ENOX1: variants seen among roughly 807,000 people sequenced by gnomAD.
ENOX1 encodes the protein ecto-NOX disulfide-thiol exchanger 1.
Under a neutral mutation model 82.5 loss-of-function variants are expected in ENOX1, and 42 were observed. The observed-to-expected ratio is 0.51, with a 90% confidence interval of 0.40 to 0.66. The LOEUF (loss-of-function observed/expected upper bound fraction) is 0.66, where lower values mean the gene tolerates loss of function less well. Among genes scored for constraint, ENOX1 ranks in the 30% least tolerant of loss-of-function variants. ENOX1 has a pLI of 0.00. For missense variants in ENOX1, 608 were observed against 811.6 expected (o/e 0.75, Z 3.05); for synonymous variants, 271 against 282.2 (o/e 0.96, Z 0.40).
chr13:43,576,426 A>G (rs2153714386), intron 2 of ENOX1, among the ~76,000 whole-genome samples: 1 of 152,332 alleles, frequency 6.6e-6, no homozygotes. Flanking sequence ...ACTTAGAATT[A>G]CTTTTTCAAT....
chr13:43,362,328 T>C (rs1415609858), intron 5 of ENOX1, among the ~76,000 whole-genome samples: 1 of 151,424 alleles, frequency 6.6e-6, no homozygotes, highest in Non-Finnish European at 1.5e-5. Flanking sequence ...GCTATGAAAA[T>C]ACTATACTGA....
chr13:43,394,339 G>C (rs1412662792), intron 5 of ENOX1, among the ~76,000 whole-genome samples: 2 of 152,230 alleles, frequency 1.3e-5, no homozygotes, highest in South Asian at 2.1e-4. Flanking sequence ...TCCCGAACTT[G>C]GCATGTTCTT....
At chr13:43,405,968 C>T (rs2053768958) in intron 5 of ENOX1, among the ~76,000 whole-genome samples, 1 of 152,174 alleles carries the variant, frequency 6.6e-6, no homozygotes, top group Non-Finnish European at 1.5e-5. Flanking sequence ...TCTGTTTCTC[C>T]CGCCACTCTA....
chr13:43,375,852 T>C (rs1037489259), intron 5 of ENOX1, among the ~76,000 whole-genome samples: 1 of 152,212 alleles, frequency 6.6e-6, no homozygotes, highest in African/African-American at 2.4e-5. Flanking sequence ...TGTTGTATTA[T>C]TTATCTTTAT....
chr13:43,356,388 G>T (rs1414096719), intron 7 of ENOX1, among the ~76,000 whole-genome samples: 1 of 152,110 alleles, frequency 6.6e-6, no homozygotes, highest in African/African-American at 2.4e-5. Context: ...GTCTCAGAGG[G>T]CTGCTTACCC....
chr13:43,608,247 C>T (rs1227752633), intron 2 of ENOX1, among the ~76,000 whole-genome samples: 2 of 152,124 alleles, frequency 1.3e-5, no homozygotes, highest in Non-Finnish European at 2.9e-5. Context: ...AGAATAAGAA[C>T]ACCGGACTTT....
intron 2 of ENOX1, among the ~76,000 whole-genome samples, chr13:43,610,199 A>G (rs554807633): frequency 6.6e-6 from 1 of 152,334 alleles, no homozygotes; most frequent in South Asian, 2.1e-4. Flanking sequence ...GTAAAGTCAA[A>G]GTGCTCTTGG....
chr13:43,419,574 CA>C (rs980885000), intron 3 of ENOX1, among the ~76,000 whole-genome samples: 3 of 151,386 alleles, frequency 2.0e-5, no homozygotes, highest in South Asian at 2.1e-4. Flanking sequence ...AAAACAAAAC[CA>C]AAAAAAAGCA....
At chr13:43,660,946 C>T (rs1240377927) in intron 2 of ENOX1, among the ~76,000 whole-genome samples, 1 of 152,154 alleles carries the variant, frequency 6.6e-6, no homozygotes, top group African/African-American at 2.4e-5. Context: ...GGTCTTTATT[C>T]TCCATTTCTC....
At chr13:43,281,234 T>C (rs2045363984) in intron 12 of ENOX1, among the ~76,000 whole-genome samples, 1 of 151,302 alleles carries the variant, frequency 6.6e-6, no homozygotes, top group Admixed American at 6.6e-5. Context: ...GCAGAAAACC[T>C]CAACAAATAC....
chr13:43,450,992 G>A (rs368321328), intron 3 of ENOX1, among the ~76,000 whole-genome samples: 1 of 152,146 alleles, frequency 6.6e-6, no homozygotes, highest in Admixed American at 6.5e-5. Context: ...GGGATCACCC[G>A]GGTATTTTGT....
At chr13:43,511,717 GT>G (rs1388762330) in intron 2 of ENOX1, among the ~76,000 whole-genome samples, 2 of 152,112 alleles carry the variant, frequency 1.3e-5, no homozygotes, top group African/African-American at 4.8e-5. Context: ...TTCTTTTATA[GT>G]GCTTTGGGAA....
chr13:43,541,360 G>C (rs1018698076), intron 2 of ENOX1, among the ~76,000 whole-genome samples: 11 of 151,618 alleles, frequency 7.3e-5, no homozygotes, highest in African/African-American at 2.7e-4. Flanking sequence ...AACTAGCCAG[G>C]CATGGTGACA....
intron 2 of ENOX1, among the ~76,000 whole-genome samples, chr13:43,505,114 C>A (rs1457945873): frequency 6.6e-6 from 1 of 151,802 alleles, no homozygotes; most frequent in Non-Finnish European, 1.5e-5. Context: ...AACTTTCAAA[C>A]AACTGTAAAG....
In ENOX1 at chr13:43,213,248, A is replaced by G. The variant is rs1203775325; in HGVS notation, c.*742T>C. ...ACCTGAATGTTACATACCAAGTACA[A>G]GACAATAACACTAGTTTTTCCTTTA... On this transcript the variant is annotated 3_prime_UTR_variant, in exon 17 of 17. Coordinates refer to ENST00000690772, the MANE Select transcript of ENOX1 (RefSeq NM_001347969.2). 6.6e-6 allele frequency among the ~76,000 whole-genome samples: 1 copy of G among 152,122 alleles called. No homozygotes were observed. Among genetic ancestry groups the G allele is most frequent in the East Asian group, 1.9e-4 (1 of 5,206 alleles).
intron 3 of ENOX1, among the ~76,000 whole-genome samples, chr13:43,444,316 C>T (rs540049219): frequency 2.6e-5 from 4 of 152,264 alleles, no homozygotes; most frequent in South Asian, 2.1e-4. Context: ...GCAAGGAGAG[C>T]GGATCATTTT....
At chr13:43,629,680 T>C (rs1318421955) in intron 2 of ENOX1, among the ~76,000 whole-genome samples, 1 of 152,260 alleles carries the variant, frequency 6.6e-6, no homozygotes, top group Non-Finnish European at 1.5e-5. Context: ...TTGAACCAAT[T>C]ACATTTCTGC....
chr13:43,394,388 T>A (rs941322739), intron 5 of ENOX1: 1 of 152,060 alleles, frequency 6.6e-6, no homozygotes, highest in South Asian at 2.1e-4. Context: ...GTGCCTGGAG[T>A]ATTTCTCTCA....
intron 5 of ENOX1, among the ~76,000 whole-genome samples, chr13:43,378,042 T>A (rs534216479): frequency 0.014 from 2,180 of 152,292 alleles, 49 homozygotes; most frequent in African/African-American, 0.05. Flanking sequence ...AATGTTTGAC[T>A]TTTACTCTGG....
Sources: gnomAD v4.1 joint callset for allele counts (sites outside exome capture counted in the v4.1 genomes callset) on GRCh38, gnomAD v4.1.1 for gene constraint, MANE v1.5 for transcripts, NCBI Gene and HGNC (gene_info 2026-07-23, HGNC 2026-07-21) for gene names.